Variants in MCTP2 observed in about 807,000 individuals in gnomAD.
MCTP2 encodes multiple C2 and transmembrane domain-containing protein 2.
A neutral mutation model predicts 111.6 loss-of-function variants in MCTP2; 132 were observed. That is an observed-to-expected ratio of 1.18 (90% CI 1.03 to 1.37). The LOEUF (loss-of-function observed/expected upper bound fraction) is 1.37. MCTP2 is among the 40% of genes most tolerant of loss of function. MCTP2 has a pLI of 0.00. For synonymous variants in MCTP2, 395 were observed against 387.7 expected (o/e 1.02, Z -0.22); for missense variants, 1,183 against 1,067.9 (o/e 1.11, Z -1.50).
chr15:94,322,000 G>A (rs560415884), intron 4 of MCTP2, among the ~76,000 whole-genome samples: 1 of 152,300 alleles, frequency 6.6e-6, no homozygotes, highest in Non-Finnish European at 1.5e-5. Flanking sequence ...ATTGGCTGAG[G>A]AGGAGGTGAA....
chr15:94,311,502 G>A (rs1384400208), intron 2 of MCTP2, among the ~76,000 whole-genome samples: 1 of 152,198 alleles, frequency 6.6e-6, no homozygotes, highest in Non-Finnish European at 1.5e-5. Flanking sequence ...CAGGCACTAT[G>A]CAAGAGTGTG....
chr15:94,383,548 T>C (rs895851902), intron 12 of MCTP2, among the ~76,000 whole-genome samples: 3 of 152,098 alleles, frequency 2.0e-5, no homozygotes, highest in Admixed American at 2.0e-4. Flanking sequence ...TGGGGAGGCC[T>C]CACAATCGTA....
intron 1 of MCTP2, 186 bp downstream of exon 1, chr15:94,231,850 G>A (rs1267956351): frequency 6.6e-6 from 1 of 152,480 alleles, no homozygotes; most frequent in Non-Finnish European, 1.5e-5. Flanking sequence ...GTGTCCTGAG[G>A]ACTGGAGGCA....
chr15:94,441,510 G>A (rs549500454), intron 18 of MCTP2, among the ~76,000 whole-genome samples: 1 of 152,238 alleles, frequency 6.6e-6, no homozygotes, highest in South Asian at 2.1e-4. Flanking sequence ...TATAGTATGT[G>A]CATATGTGTG....
chr15:94,297,154 A>G (rs2075311776), intron 1 of MCTP2, among the ~76,000 whole-genome samples: 1 of 152,178 alleles, frequency 6.6e-6, no homozygotes, highest in South Asian at 2.1e-4. Context: ...TCTTTTTCAT[A>G]CTGAAAGGAT....
At chr15:94,478,880 T>G (rs1162947392) in intron 22 of MCTP2, 86 bp from the exon 23 acceptor site, 2 of 1,124,652 alleles carry the variant, frequency 1.8e-6, no homozygotes, top group East Asian at 4.9e-5. Flanking sequence ...TCCTTTGCCT[T>G]CGGTTGTCCT....
chr15:94,469,227 T>A (rs558500199), intron 20 of MCTP2, among the ~76,000 whole-genome samples: 2 of 152,298 alleles, frequency 1.3e-5, no homozygotes, highest in South Asian at 4.1e-4. Flanking sequence ...AATCTGTATG[T>A]GAAGATGAAG....
At chr15:94,289,769 C>T (rs749671507) in intron 1 of MCTP2, among the ~76,000 whole-genome samples, 4 of 152,172 alleles carry the variant, frequency 2.6e-5, no homozygotes, top group Non-Finnish European at 5.9e-5. Context: ...AATCTCCCTT[C>T]CCTAACCCCA....
At chr15:94,371,984 A>T (rs955690776) in intron 12 of MCTP2, among the ~76,000 whole-genome samples, 1 of 152,140 alleles carries the variant, frequency 6.6e-6, no homozygotes. Flanking sequence ...TATTTTGACT[A>T]TTAAAATAGA....
intron 4 of MCTP2, among the ~76,000 whole-genome samples, chr15:94,338,439 T>C (rs574664887): frequency 6.6e-6 from 1 of 152,088 alleles, no homozygotes; most frequent in African/African-American, 2.4e-5. Context: ...GCGACGCACA[T>C]GCATGTAACA....
At chr15:94,366,546 G>A (rs2152434702) in intron 10 of MCTP2, among the ~76,000 whole-genome samples, 2 of 152,276 alleles carry the variant, frequency 1.3e-5, no homozygotes, top group South Asian at 4.1e-4. Flanking sequence ...TATATAGTAT[G>A]TAAGTTAACC....
At chr15:94,431,014 G>A (rs557114153) in intron 17 of MCTP2, among the ~76,000 whole-genome samples, 6 of 152,068 alleles carry the variant, frequency 3.9e-5, no homozygotes, top group Non-Finnish European at 7.4e-5. Flanking sequence ...TCCTTTTACC[G>A]CCTGATATAT....
chr15:94,301,326 C>A (rs1321572677), intron 2 of MCTP2, among the ~76,000 whole-genome samples: 1 of 152,182 alleles, frequency 6.6e-6, no homozygotes, highest in Non-Finnish European at 1.5e-5. Context: ...CCAGCTCCCT[C>A]CTCACCGGCT....
intron 1 of MCTP2, among the ~76,000 whole-genome samples, chr15:94,248,109 G>T (rs1238004619): frequency 2.0e-5 from 3 of 152,154 alleles, no homozygotes; most frequent in Admixed American, 1.3e-4. Flanking sequence ...CACACTAGAA[G>T]GTCAGGATTA....
chr15:94,434,348 G>C (rs151329692), intron 17 of MCTP2, among the ~76,000 whole-genome samples: 1 of 151,466 alleles, frequency 6.6e-6, no homozygotes, highest in Non-Finnish European at 1.5e-5. Flanking sequence ...AAAGTGCTGA[G>C]ATTACAGGGG....
At position 94,290,557 on chromosome 15, in the gene MCTP2, A is replaced by C. The variant is rs184542741; in HGVS notation, c.-65-7644A>C. 1.3e-3 allele frequency among the ~76,000 whole-genome samples: 197 copies of C among 152,348 alleles called. 1 individual carries two copies. Among genetic ancestry groups the C allele is most frequent in the African/African-American group, 4.3e-3 (178 of 41,578 alleles). On this transcript the variant is annotated intron_variant, in intron 1 of 22. Transcript: ENST00000357742. ...GGCAGACCTAAATCCAGACCTATCA[A>C]GTACTATGTTAAATATAAATGGTCT... is the stretch of plus-strand genomic sequence containing the variant.
intron 17 of MCTP2, among the ~76,000 whole-genome samples, chr15:94,404,722 G>A (rs2152479324): frequency 6.6e-6 from 1 of 152,070 alleles, no homozygotes; most frequent in South Asian, 2.1e-4. Context: ...TGTCTGTAGG[G>A]GACTGGATTG....
At chr15:94,263,549 C>T (rs895702740) in intron 1 of MCTP2, among the ~76,000 whole-genome samples, 1 of 152,210 alleles carries the variant, frequency 6.6e-6, no homozygotes, top group African/African-American at 2.4e-5. Context: ...AAACATGTGT[C>T]TTCTCTGTAA....
chr15:94,261,485 G>A (rs1452790911), intron 1 of MCTP2, among the ~76,000 whole-genome samples: 1 of 152,110 alleles, frequency 6.6e-6, no homozygotes, highest in African/African-American at 2.4e-5. Flanking sequence ...TATAAAGTAG[G>A]GGCTTTTATG....
Sources: allele counts gnomAD v4.1 joint callset (sites outside exome capture counted in the v4.1 genomes callset), GRCh38; gene constraint gnomAD v4.1.1; transcripts MANE v1.5; gene names NCBI Gene and HGNC (gene_info 2026-07-23, HGNC 2026-07-21).